DSG1: variants seen among roughly 807,000 people sequenced by gnomAD.
DSG1 encodes the protein desmoglein 1.
Under a neutral mutation model 97.5 loss-of-function variants are expected in DSG1, and 39 were observed. The observed-to-expected ratio is 0.40, with a 90% confidence interval of 0.31 to 0.52. The LOEUF (loss-of-function observed/expected upper bound fraction) is 0.52. Among genes scored for constraint, DSG1 ranks in the 20% least tolerant of loss-of-function variants. The pLI, the probability that DSG1 is intolerant of heterozygous loss-of-function variation, is 0.53. For synonymous variants in DSG1, 475 were observed against 443.4 expected, an observed-to-expected ratio of 1.07 and a Z score of -0.90; for missense variants, 1,311 against 1,295.4, an observed-to-expected ratio of 1.01 and a Z score of -0.18.
chr18:31,346,095 C>G lies in DSG1; in HGVS notation c.1997C>G (p.Pro666Arg). Residue 666 changes from proline to arginine, a missense_variant, in exon 14 of 15, where the codon CCT becomes CGT. Physicochemically the swap from Pro to Arg is moderately radical, Grantham distance 103 (BLOSUM62 -2). Around this residue, in one of 3 missense-constraint regions of DSG1, gnomAD observed 1,038 missense variants for 964.6 expected, o/e 1.08. Coordinates refer to ENST00000257192, the MANE Select transcript of DSG1 (RefSeq NM_001942.4). The stretch of plus-strand genomic sequence containing the variant: ...GAGGGAGTTAAAACTTCAGGAATGC[C>G]TGAGATATGTCAAGAATACTCTGGA... Reference protein sequence around the residue: ...LTEGVKTSGMPEICQEYSGTL... With the variant: ...LTEGVKTSGMREICQEYSGTL... 1.2e-6 allele frequency: 2 copies of G among 1,613,654 alleles called. No individual in the cohort carries two copies. Among genetic ancestry groups the G allele is most frequent in the Non-Finnish European group, 1.7e-6 (2 of 1,179,648 alleles).
Position 31,330,000 on chromosome 18 carries a change from A to G in DSG1, c.481A>G (p.Thr161Ala). The change falls in exon 5 of 15, where the codon ACA becomes GCA. Residue 161 changes from threonine to alanine, a missense_variant. By Grantham distance (58) the Thr-to-Ala change is moderately conservative. Around this residue, in one of 3 missense-constraint regions of DSG1, gnomAD observed 259 missense variants for 304.1 expected, o/e 0.85. Transcript: ENST00000257192. ...NDNPPVFSMATFAGQIEENSN... is the reference protein window; with the variant it reads ...NDNPPVFSMAAFAGQIEENSN... ...CAACCCTCCAGTGTTTTCAATGGCT[A>G]CATTTGCAGGACAAATAGAAGAAAA... The G allele has an allele frequency of 6.2e-7, 1 of 1,613,282 alleles. No individual in the cohort carries two copies. Among genetic ancestry groups the G allele is most frequent in the South Asian group, 1.1e-5 (1 of 91,076 alleles).
At chr18:31,346,231 T>C in intron 14 of DSG1, 33 bp downstream of exon 14, 1 of 1,542,834 alleles carries the variant, frequency 6.5e-7, no homozygotes, top group Non-Finnish European at 9.0e-7. Context: ...TTTCTCGCCA[T>C]CCATGTGCCT....
chr18:31,327,628 A>G (rs1017367514), intron 3 of DSG1, among the ~76,000 whole-genome samples: 1 of 152,190 alleles, frequency 6.6e-6, no homozygotes, highest in Non-Finnish European at 1.5e-5. Context: ...TCTGGTTTCT[A>G]TAACCATTTA....
chr18:31,355,169 G>A lies in DSG1; in HGVS notation c.2973G>A (p.Leu991=), dbSNP rs751155605. The A allele has an allele frequency of 2.5e-6, 4 of 1,605,730 alleles. No homozygotes were observed. The African/African-American group carries it at 4.0e-5, about 16-fold the overall frequency. ...GTSMGAGSGA[L]SGAGISGGGI... is the part of the protein sequence containing the mutation. ...GCATGGGTGCTGGGAGCGGTGCCCT[G>A]AGTGGAGCTGGCATAAGTGGTGGTG... Residue 991 remains leucine (L), a synonymous_variant, in exon 15 of 15, where the codon CTG becomes CTA. Transcript: ENST00000257192.
intron 9 of DSG1, among the ~76,000 whole-genome samples, chr18:31,337,651 C>T (rs1196507712): frequency 3.3e-5 from 5 of 152,154 alleles, no homozygotes; most frequent in Non-Finnish European, 7.4e-5. Context: ...TGCTGATGAG[C>T]GCTCTTGTAC....
Position 31,339,911 on chromosome 18 carries a change from A to C in DSG1, c.1573A>C (p.Ser525Arg). 6.2e-7 allele frequency: 1 copy of C among 1,614,118 alleles called. No individual in the cohort carries two copies. The highest frequency in any genetic ancestry group is 8.5e-7 in the Non-Finnish European group (1 of 1,180,000). Reference sequence around the variant, plus strand: ...TACCAGCACAACTTCTACTGACTCTAGCCAAGTATATTCTTCTGAACCCGG... The same window carrying C: ...TACCAGCACAACTTCTACTGACTCTCGCCAAGTATATTCTTCTGAACCCGG... ...YDTSTTSTDS[S>R]QVYSSEPGNG... is the part of the protein sequence containing the mutation. The change falls in exon 11 of 15, where the codon AGC (serine) becomes CGC (arginine). Residue 525 changes from serine (S) to arginine (R), a missense_variant. Physicochemically the swap from Ser to Arg is moderately radical, Grantham distance 110 (BLOSUM62 -1). Around this residue, in one of 3 missense-constraint regions of DSG1, gnomAD observed 1,038 missense variants for 964.6 expected, o/e 1.08. Coordinates refer to ENST00000257192, the MANE Select transcript of DSG1 (RefSeq NM_001942.4).
At chr18:31,347,648 A>G (rs1317762920) in intron 14 of DSG1, 1 of 152,252 alleles carries the variant, frequency 6.6e-6, no homozygotes, top group East Asian at 1.9e-4. Flanking sequence ...AGATGAAACG[A>G]AAGTGTATAT....
Position 31,357,626 on chromosome 18 carries a change from T to C in DSG1, c.*2280T>C, listed in dbSNP as rs1327291551. On this transcript the variant is annotated 3_prime_UTR_variant, in exon 15 of 15. Transcript: ENST00000257192. Reference sequence around the variant, plus strand: ...TAATAACTGTTGCTGTCAAAATCCATTGGTTGTTAAGATCCCCCCAATTTA... The same window carrying C: ...TAATAACTGTTGCTGTCAAAATCCACTGGTTGTTAAGATCCCCCCAATTTA... 2.0e-5 allele frequency among the ~76,000 whole-genome samples: 3 copies of C among 151,954 alleles called. No homozygotes were observed. Among genetic ancestry groups the C allele is most frequent in the African/African-American group, 7.2e-5 (3 of 41,408 alleles).
At position 31,330,445 on chromosome 18, in the gene DSG1, T is replaced by C. The variant is rs1042536550; in HGVS notation, c.517+409T>C. Among the ~76,000 whole-genome samples, 4 of 152,202 alleles carry C rather than the reference T, an allele frequency of 2.6e-5. No homozygotes were observed. In the East Asian group the frequency reaches 5.8e-4, roughly 22 times the overall value. The stretch of plus-strand genomic sequence containing the variant: ...TTTAAAATCACTTATAGAAATCACT[T>C]CCACACAAAACTTCTTTTTGTGATT... On this transcript the variant is annotated intron_variant, in intron 5 of 14. Coordinates refer to ENST00000257192, the MANE Select transcript of DSG1 (RefSeq NM_001942.4).
rs2071976660 is a variant in DSG1, at chr18:31,358,426, C to T, written c.*3080C>T. On this transcript the variant is annotated 3_prime_UTR_variant, in exon 15 of 15. Transcript: ENST00000257192. ...GGTTATTTATATATCTTCATCTAGA[C>T]ATCTGTTCTACATTTGTGTATAAAG... Among the ~76,000 whole-genome samples the T allele has an allele frequency of 2.0e-5, 3 of 151,978 alleles. No individual in the cohort carries two copies. The highest frequency in any genetic ancestry group is 2.0e-4 in the Admixed American group (3 of 15,258).
chr18:31,330,354 G>A (rs2071712838), intron 5 of DSG1, among the ~76,000 whole-genome samples: 1 of 152,088 alleles, frequency 6.6e-6, no homozygotes, highest in Non-Finnish European at 1.5e-5. Context: ...GTCTAACTGT[G>A]TAGAAGGACA....
At chr18:31,352,369 G>A (rs1232678542) in intron 14 of DSG1, among the ~76,000 whole-genome samples, 2 of 151,344 alleles carry the variant, frequency 1.3e-5, no homozygotes, top group African/African-American at 2.5e-5. Flanking sequence ...CCCTTTGAGG[G>A]TAACCCGACC....
At position 31,358,730 on chromosome 18, in the gene DSG1, C is replaced by T. The variant is rs959616332; in HGVS notation, c.*3384C>T. Among the ~76,000 whole-genome samples the T allele has an allele frequency of 6.6e-6, 1 of 152,022 alleles. No individual in the cohort carries two copies. The highest frequency in any genetic ancestry group is 2.4e-5 in the African/African-American group (1 of 41,444). ...AGCAAACTTTTAAAAGTATTTGCCA[C>T]ATTTTCCCATGCCTATTTCATAAAT... On this transcript the variant is annotated 3_prime_UTR_variant, in exon 15 of 15. Transcript: ENST00000257192.
chr18:31,327,727 C>G (rs950345271), intron 3 of DSG1, among the ~76,000 whole-genome samples: 3 of 152,118 alleles, frequency 2.0e-5, no homozygotes, highest in Admixed American at 6.6e-5. Flanking sequence ...ACTCTTGTCA[C>G]CTAAATAAAT....
rs775806719 is a variant in DSG1, at chr18:31,354,292, T to A, written c.2101-5T>A. On this transcript the variant is annotated splice_polypyrimidine_tract_variant and splice_region_variant and intron_variant, in intron 14 of 14. Transcript: ENST00000257192. ...TTTCATTTTCTCTTTCTCCTATAAA[T>A]TCAGAAAGCATATGCTTACGCAGAT... 19 of 1,613,126 alleles carry A rather than the reference T, an allele frequency of 1.2e-5. No homozygotes were observed. The highest frequency in any genetic ancestry group is 1.6e-5 in the Non-Finnish European group (19 of 1,179,076).
intron 11 of DSG1, among the ~76,000 whole-genome samples, chr18:31,342,306 C>G (rs2144105442): frequency 6.6e-6 from 1 of 152,194 alleles, no homozygotes; most frequent in South Asian, 2.1e-4. Context: ...ATATATGGGC[C>G]TTAGTCATCA....
intron 14 of DSG1, among the ~76,000 whole-genome samples, chr18:31,349,905 G>A (rs565139409): frequency 3.4e-4 from 9 of 26,780 alleles, no homozygotes; most frequent in African/African-American, 7.5e-4. Context: ...CAATCATGTC[G>A]TCTGCAAACA....
chr18:31,346,788 T>C (rs2071842456), intron 14 of DSG1, among the ~76,000 whole-genome samples: 1 of 152,244 alleles, frequency 6.6e-6, no homozygotes, highest in South Asian at 2.1e-4. Flanking sequence ...TGTCCGTTTA[T>C]ATGTCTACCA....
Position 31,333,465 on chromosome 18 carries a change from T to A in DSG1, c.685-124T>A, listed in dbSNP as rs2071732716. On this transcript the variant is annotated intron_variant, in intron 6 of 14. Coordinates refer to ENST00000257192, the MANE Select transcript of DSG1 (RefSeq NM_001942.4). ...AAACTTGTGGATTTCCCATATTCTGTGTTAACCCTACCTCTATCATAGATT... is the reference window on the plus strand; with the variant it reads ...AAACTTGTGGATTTCCCATATTCTGAGTTAACCCTACCTCTATCATAGATT... The A allele has an allele frequency of 1.6e-5, 18 of 1,129,168 alleles. No individual in the cohort carries two copies. The South Asian group carries it at 2.3e-4, about 14-fold the overall frequency. The allele number at this position is 1,129,168 out of a possible 1,614,324, so 69.9% of individuals were successfully genotyped here.
Sources: gnomAD v4.1 joint callset for allele counts (sites outside exome capture counted in the v4.1 genomes callset) on GRCh38, gnomAD v4.1.1 for gene constraint, gnomAD v4.1.1 regional missense constraint, MANE v1.5 for transcripts, NCBI Gene and HGNC (gene_info 2026-07-23, HGNC 2026-07-21) for gene names.